The following RILPL1 variants were observed in gnomAD, a reference collection of about 807,000 sequenced individuals.
RILPL1 encodes RILP-like protein 1.
In RILPL1, 33 loss-of-function variants were observed where a neutral mutation model predicts 50.3. The ratio of observed to expected loss-of-function variants is 0.66; its 90% confidence interval spans 0.50 to 0.88. RILPL1 has a LOEUF of 0.88. Among genes scored for constraint, RILPL1 ranks in the 40% least tolerant of loss-of-function variants. The pLI, the probability that RILPL1 is intolerant of heterozygous loss-of-function variation, is 0.00. For missense variants in RILPL1, 418 were observed against 542.5 expected, an observed-to-expected ratio of 0.77 and a Z score of 2.28; for synonymous variants, 205 against 228.6, an observed-to-expected ratio of 0.90 and a Z score of 0.93.
chr12:123,484,209 G>A lies in RILPL1; in HGVS notation c.1038C>T (p.Ser346=). ...QPPPIAHPRT[S]PQPESGIKRL... ...GCTTGATGCCCGACTCCGGCTGGGG[G>A]GACGTCCTCGGGTGGGCGATGGGTG... Residue 346 remains serine (S), a synonymous_variant, in exon 6 of 7, where the codon TCC becomes TCT. Coordinates refer to ENST00000376874, the MANE Select transcript of RILPL1 (RefSeq NM_178314.5). 1.2e-6 allele frequency: 2 copies of A among 1,611,050 alleles called. No individual in the cohort carries two copies. The highest frequency in any genetic ancestry group is 1.7e-6 in the Non-Finnish European group (2 of 1,177,470).
At chr12:123,513,895 C>T (rs963866508) in intron 2 of RILPL1, 1 of 152,142 alleles carries the variant, frequency 6.6e-6, no homozygotes, top group African/African-American at 2.4e-5. Context: ...AGCAGCCACA[C>T]GTGTGGGAGT....
chr12:123,528,659 C>A (rs1344473629), intron 1 of RILPL1, among the ~76,000 whole-genome samples: 1 of 152,048 alleles, frequency 6.6e-6, no homozygotes, highest in East Asian at 1.9e-4. Context: ...GATCTCCTGA[C>A]CTTGTGATCC....
intron 1 of RILPL1, among the ~76,000 whole-genome samples, chr12:123,528,692 C>G (rs529540344): frequency 6.6e-6 from 1 of 152,224 alleles, no homozygotes; most frequent in Admixed American, 6.5e-5. Flanking sequence ...CTCCAAAGTG[C>G]TGGGATTACA....
In RILPL1 at chr12:123,476,774, T is replaced by C. The variant is rs144184730; in HGVS notation, c.1068-4092A>G. On this transcript the variant is annotated intron_variant, in intron 6 of 6. Transcript: ENST00000376874. ...AGTGGGAGACAATACCTGACTGTTA[T>C]TGAAGCCCCTGAGTCTGCAGTATTT... 3.8e-3 allele frequency among the ~76,000 whole-genome samples: 572 copies of C among 152,328 alleles called. 8 individuals carry two copies. Among genetic ancestry groups the C allele is most frequent in the African/African-American group, 0.013 (522 of 41,576 alleles).
At chr12:123,513,991 ACT>A (rs2139370961) in intron 2 of RILPL1, 1 of 152,304 alleles carries the variant, frequency 6.6e-6, no homozygotes, top group African/African-American at 2.4e-5. Context: ...CGTCGAAAAC[ACT>A]GAGATAGACT....
intron 1 of RILPL1, among the ~76,000 whole-genome samples, chr12:123,528,264 C>G: frequency 1.3e-5 from 2 of 149,930 alleles, no homozygotes; most frequent in South Asian, 4.2e-4. Flanking sequence ...GAAGCTGAGG[C>G]GGGAGGATTG....
intron 2 of RILPL1, among the ~76,000 whole-genome samples, chr12:123,512,815 C>A (rs1566137714): frequency 9.6e-6 from 1 of 103,762 alleles, no homozygotes; most frequent in Non-Finnish European, 1.9e-5. Flanking sequence ...GGTGTGAGAT[C>A]TGTGTATGTG....
In RILPL1 at chr12:123,472,130, C is replaced by T. The variant is rs562850213; in HGVS notation, c.*408G>A. ...AGATCTAGCCCTTCCATGCCTCCTG[C>T]TGAACTATGTCACCTGTGATAATAA... On this transcript the variant is annotated 3_prime_UTR_variant, in exon 7 of 7. Coordinates refer to ENST00000376874, the MANE Select transcript of RILPL1 (RefSeq NM_178314.5). 1 of 177,262 alleles carries T rather than the reference C, an allele frequency of 5.6e-6. No individual in the cohort carries two copies. Among genetic ancestry groups the T allele is most frequent in the Admixed American group, 5.5e-5 (1 of 18,248 alleles). The allele number at this position is 177,262 out of a possible 1,614,324, so 11.0% of individuals were successfully genotyped here.
chr12:123,495,313 T>G (rs1336595338), intron 4 of RILPL1, among the ~76,000 whole-genome samples: 2 of 151,956 alleles, frequency 1.3e-5, no homozygotes, highest in African/African-American at 4.8e-5. Flanking sequence ...CAGCTGTACC[T>G]GAAGCTACCC....
chr12:123,512,638 A>G (rs1884410554), intron 2 of RILPL1, among the ~76,000 whole-genome samples: 2 of 96,304 alleles, frequency 2.1e-5, no homozygotes, highest in African/African-American at 8.5e-5. Context: ...GTCGTGTGTG[A>G]GGTCTGTGTG....
intron 6 of RILPL1, among the ~76,000 whole-genome samples, chr12:123,477,319 T>C (rs1173228353): frequency 6.7e-6 from 1 of 150,146 alleles, no homozygotes; most frequent in Non-Finnish European, 1.5e-5. Flanking sequence ...GGAGTTGGTA[T>C]CTTTTCTTTC....
intron 2 of RILPL1, among the ~76,000 whole-genome samples, chr12:123,511,963 TCTG>T (rs138438120): frequency 0.057 from 5,437 of 95,968 alleles, 957 homozygotes; most frequent in African/African-American, 0.21. Context: ...TGGTGTGAGA[TCTG>T]TGTGTGTGTG....
chr12:123,505,668 G>C (rs1188106158), intron 2 of RILPL1, among the ~76,000 whole-genome samples: 1 of 151,998 alleles, frequency 6.6e-6, no homozygotes. Flanking sequence ...TGTCACCTAG[G>C]CTAGAGGGCA....
intron 2 of RILPL1, among the ~76,000 whole-genome samples, chr12:123,518,603 CACAT>C (rs1202836036): frequency 1.3e-5 from 2 of 151,264 alleles, no homozygotes; most frequent in African/African-American, 2.4e-5. Context: ...CACATATACA[CACAT>C]ACATACATAT....
At chr12:123,505,390 C>T (rs1883678658) in intron 2 of RILPL1, among the ~76,000 whole-genome samples, 1 of 152,196 alleles carries the variant, frequency 6.6e-6, no homozygotes, top group Admixed American at 6.6e-5. Context: ...GTAGCATGAT[C>T]ACAGCTCACT....
intron 2 of RILPL1, among the ~76,000 whole-genome samples, chr12:123,520,221 T>G (rs1016663425): frequency 6.6e-6 from 1 of 152,160 alleles, no homozygotes; most frequent in African/African-American, 2.4e-5. Flanking sequence ...GCAAACGACA[T>G]GCAGTATGGC....
chr12:123,531,103 G>A (rs1885428067), intron 1 of RILPL1, among the ~76,000 whole-genome samples: 1 of 141,090 alleles, frequency 7.1e-6, no homozygotes. Flanking sequence ...AAGAGCCTTT[G>A]AGACTCTGCA....
chr12:123,497,210 C>T (rs1883086972), intron 4 of RILPL1, among the ~76,000 whole-genome samples: 1 of 152,112 alleles, frequency 6.6e-6, no homozygotes, highest in Non-Finnish European at 1.5e-5. Context: ...GGGTTGTTTC[C>T]ACCTTTTGGC....
intron 2 of RILPL1, among the ~76,000 whole-genome samples, chr12:123,507,564 CAAA>C (rs34340975): frequency 1.5e-5 from 2 of 134,614 alleles, no homozygotes; most frequent in Non-Finnish European, 1.6e-5. Flanking sequence ...GATACTGTCT[CAAA>C]AAAAAAAAAA....
Sources: gnomAD v4.1 joint callset for allele counts (sites outside exome capture counted in the v4.1 genomes callset) on GRCh38, gnomAD v4.1.1 for gene constraint, MANE v1.5 for transcripts, NCBI Gene and HGNC (gene_info 2026-07-23, HGNC 2026-07-21) for gene names.